The following FEZ2 variants were observed in gnomAD, a reference collection of about 807,000 sequenced individuals.
FEZ2 encodes fasciculation and elongation protein zeta 2.
A neutral mutation model predicts 40.4 loss-of-function variants in FEZ2; 51 were observed. The observed-to-expected ratio is 1.26, with a 90% CI of 1.01 to 1.59. The LOEUF (loss-of-function observed/expected upper bound fraction) is 1.59, where lower values mean the gene tolerates loss of function less well. Among genes scored for constraint, FEZ2 ranks in the 40% most tolerant of loss-of-function variants. The pLI is 0.00. For synonymous variants in FEZ2, 242 were observed against 172.0 expected (o/e 1.41, Z -3.18); for missense variants, 640 against 438.3 (o/e 1.46, Z -4.11).
chr2:36,597,878 C>G lies in FEZ2; in HGVS notation c.265G>C (p.Glu89Gln). The G allele has an allele frequency of 4.4e-6, 6 of 1,366,864 alleles. No individual in the cohort carries two copies. The highest frequency in any genetic ancestry group is 4.7e-6 in the Non-Finnish European group (5 of 1,066,228). 84.7% of individuals were successfully genotyped at this position (1,366,864 alleles called of 1,614,324 possible). Residue 89 changes from glutamate to glutamine, a missense_variant and splice_region_variant, in exon 1 of 8, where the codon GAG (glutamate) becomes CAG (glutamine). Glu to Gln is a conservative substitution (Grantham distance 29). Transcript: ENST00000405912. Reference sequence around the variant, plus strand: ...TCCCGGCCGGGGCCCCGCACTCACTCGTCCCCCTGCAGGAGGCTGCGCTCC... The same window carrying G: ...TCCCGGCCGGGGCCCCGCACTCACTGGTCCCCCTGCAGGAGGCTGCGCTCC... ...ITERSLLQGDEIWNALTDNYG... is the reference protein window; with the variant it reads ...ITERSLLQGDQIWNALTDNYG...
chr2:36,574,334 T>C (rs771433161), intron 5 of FEZ2, among the ~76,000 whole-genome samples: 8 of 152,190 alleles, frequency 5.3e-5, no homozygotes, highest in Admixed American at 1.3e-4. Context: ...AGATCCAATA[T>C]AGAAATATAT....
intron 5 of FEZ2, among the ~76,000 whole-genome samples, chr2:36,563,097 A>T (rs1558443078): frequency 6.6e-6 from 1 of 152,232 alleles, no homozygotes; most frequent in African/African-American, 2.4e-5. Context: ...ATGCAGTTTC[A>T]ATTTCGTAAC....
rs536065084 is a variant in FEZ2 at position 36,589,275 on chromosome 2, C to T, written c.375+1628G>A. On this transcript the variant is annotated intron_variant, in intron 2 of 7. Coordinates refer to ENST00000405912, the MANE Select transcript of FEZ2 (RefSeq NM_005102.3). ...ACAAAGTGATCTGGGGACTAGCACC[C>T]ATGAGACAGCAAGGCTAAACCCCGT... Among the ~76,000 whole-genome samples the T allele has an allele frequency of 1.3e-3, 201 of 152,296 alleles. 2 individuals are homozygous for T. The highest frequency in any genetic ancestry group is 4.5e-3 in the African/African-American group (186 of 41,558).
intron 1 of FEZ2, among the ~76,000 whole-genome samples, chr2:36,592,598 G>C (rs1489440443): frequency 7.0e-6 from 1 of 142,720 alleles, no homozygotes; most frequent in Middle Eastern, 4.1e-3. Flanking sequence ...TTGAAGCCAG[G>C]AGTTCAAGAC....
At chr2:36,588,800 T>G (rs1312664676) in intron 2 of FEZ2, among the ~76,000 whole-genome samples, 2 of 152,090 alleles carry the variant, frequency 1.3e-5, no homozygotes, top group Non-Finnish European at 2.9e-5. Flanking sequence ...AGTTTTTTAA[T>G]CCACAGTTGG....
intron 1 of FEZ2, among the ~76,000 whole-genome samples, chr2:36,592,644 CA>C (rs34717975): frequency 0.02 from 1,460 of 74,538 alleles, 24 homozygotes; most frequent in African/African-American, 0.069. Context: ...CACATCTCTA[CA>C]AAAAAAAAAA....
At position 36,590,690 on chromosome 2, in the gene FEZ2, C is replaced by T. The variant is rs145662352; in HGVS notation, c.375+213G>A. ...AAATTGTGATGGAAATTTAGCTACA[C>T]ATAAAAAATGAGTGTGCTGGAGAAG... On this transcript the variant is annotated intron_variant, in intron 2 of 7. Transcript: ENST00000405912. 6.5e-4 allele frequency: 306 copies of T among 472,182 alleles called. 2 individuals are homozygous for T. The highest frequency in any genetic ancestry group is 5.5e-3 in the African/African-American group (271 of 49,506). The allele number at this position is 472,182 out of a possible 1,614,324, so 29.2% of individuals were successfully genotyped here.
chr2:36,591,108 A>G, intron 1 of FEZ2, 97 bp from the exon 2 acceptor site: 1 of 725,574 alleles, frequency 1.4e-6, no homozygotes, highest in Non-Finnish European at 2.4e-6. Flanking sequence ...ATGTCAAAGG[A>G]AACAGAGAAA....
At chr2:36,591,122 A>T in intron 1 of FEZ2, 111 bp from the exon 2 acceptor site, 2 of 700,752 alleles carry the variant, frequency 2.9e-6, no homozygotes, top group Middle Eastern at 2.5e-4. Context: ...AGAGAAAAAC[A>T]GACAGCACAT....
intron 7 of FEZ2, 62 bp from the exon 8 acceptor site, chr2:36,553,241 T>C (rs1667867441): frequency 2.6e-6 from 3 of 1,151,094 alleles, no homozygotes; most frequent in African/African-American, 3.1e-5. Flanking sequence ...ACACAAAACA[T>C]ACATTTTACA....
intron 1 of FEZ2, chr2:36,591,565 G>C (rs962073290): frequency 1.3e-5 from 2 of 152,676 alleles, no homozygotes; most frequent in African/African-American, 4.8e-5. Flanking sequence ...CGCTCTCAAT[G>C]TGAGAACAGG....
At chr2:36,569,524 C>A (rs757175080) in intron 5 of FEZ2, among the ~76,000 whole-genome samples, 2 of 152,110 alleles carry the variant, frequency 1.3e-5, no homozygotes, top group Non-Finnish European at 2.9e-5. Context: ...TCTTTCTGAA[C>A]AATAAAAAGA....
intron 1 of FEZ2, among the ~76,000 whole-genome samples, chr2:36,595,430 T>C (rs1032160271): frequency 9.2e-5 from 14 of 151,960 alleles, no homozygotes; most frequent in Non-Finnish European, 1.5e-4. Flanking sequence ...ACTTGTGCAG[T>C]TCACAATAGG....
At chr2:36,576,921 T>C (rs1668589299) in intron 5 of FEZ2, among the ~76,000 whole-genome samples, 1 of 152,206 alleles carries the variant, frequency 6.6e-6, no homozygotes, top group Non-Finnish European at 1.5e-5. Flanking sequence ...CAGCAATAAA[T>C]GGAGGATTTA....
At position 36,591,966 on chromosome 2, in the gene FEZ2, C is replaced by CA. The variant is rs1669086255; in HGVS notation, c.267-956dup. On this transcript the variant is annotated intron_variant, in intron 1 of 7. Coordinates refer to ENST00000405912, the MANE Select transcript of FEZ2 (RefSeq NM_005102.3). The stretch of plus-strand genomic sequence containing the variant: ...CCACACCAGATAAGAACACCAAACT[C>CA]AAATTTCACAACCAAAATTCAGGTT... Among the ~76,000 whole-genome samples, 4 of 152,132 alleles carry CA rather than the reference C, an allele frequency of 2.6e-5. No individual in the cohort carries two copies. In the South Asian group the frequency reaches 8.3e-4, roughly 32 times the overall value.
Position 36,552,880 on chromosome 2 carries a change from TACAAC to T in FEZ2, c.*278_*282del. 1 of 377,418 alleles carries T rather than the reference TACAAC, an allele frequency of 2.6e-6. No homozygotes were observed. Among genetic ancestry groups the T allele is most frequent in the Admixed American group, 4.3e-5 (1 of 23,348 alleles). 23.4% of individuals were successfully genotyped at this position (377,418 alleles called of 1,614,324 possible). ...GGGCATACTGTCAGTTAATGAGAAA[TACAAC>T]TGCACATGCACAATTAATATTACTC... On this transcript the variant is annotated 3_prime_UTR_variant, in exon 8 of 8. Transcript: ENST00000405912.
chr2:36,585,188 G>T (rs190093435), intron 2 of FEZ2, among the ~76,000 whole-genome samples: 1 of 152,078 alleles, frequency 6.6e-6, no homozygotes, highest in Non-Finnish European at 1.5e-5. Flanking sequence ...GAAAATAATC[G>T]ATGTAACTTC....
chr2:36,581,838 G>T (rs529158411), intron 3 of FEZ2, among the ~76,000 whole-genome samples: 2 of 151,788 alleles, frequency 1.3e-5, no homozygotes, highest in African/African-American at 4.8e-5. Context: ...CAATTTAAAG[G>T]TATCTCATCA....
At position 36,598,092 on chromosome 2, in the gene FEZ2, G is replaced by A; in HGVS notation, c.51C>T (p.Ala17=). The A allele has an allele frequency of 5.3e-6, 8 of 1,495,522 alleles. No homozygotes were observed. Among genetic ancestry groups the A allele is most frequent in the Non-Finnish European group, 7.1e-6 (8 of 1,129,414 alleles). 92.6% of individuals were successfully genotyped at this position (1,495,522 alleles called of 1,614,324 possible). A position where few individuals can be genotyped will look rare whatever the true frequency, so the allele number is the denominator to read the frequency against. The change falls in exon 1 of 8, where the codon GCC becomes GCT. Residue 17 remains alanine (A), a synonymous_variant. Transcript: ENST00000405912. ...AGTTCTCCTGGTCCAGGAGGCTCCG[G>A]GCCGGCTCCTGGAACTCATAGAAAT... ...WQDFYEFQEP[A]RSLLDQENCN...
Sources: gnomAD v4.1 joint callset for allele counts (sites outside exome capture counted in the v4.1 genomes callset) on GRCh38, gnomAD v4.1.1 for gene constraint, MANE v1.5 for transcripts, NCBI Gene and HGNC (gene_info 2026-07-23, HGNC 2026-07-21) for gene names.